The following PLAGL1 variants were observed in gnomAD, a reference collection of about 807,000 sequenced individuals.
PLAGL1 encodes the protein zinc finger protein PLAGL1.
In PLAGL1, 1 loss-of-function variant was observed where a neutral mutation model predicts 4.6. That is an observed-to-expected ratio of 0.22 (90% CI 0.08 to 1.03). The LOEUF (loss-of-function observed/expected upper bound fraction) is 1.03. Among genes scored for constraint, PLAGL1 ranks in the 50% least tolerant of loss-of-function variants. The pLI is 0.58. For synonymous variants in PLAGL1, 240 were observed against 237.8 expected, an observed-to-expected ratio of 1.01 and a Z score of -0.08; for missense variants, 464 against 570.4, an observed-to-expected ratio of 0.81 and a Z score of 1.90.
At position 144,005,760 on chromosome 6, in the gene PLAGL1, T is replaced by C. The variant is rs1349621811; in HGVS notation, c.-584+2330A>G. Reference sequence around the variant, plus strand: ...ATGATGGAAATATTCTGTTCTATAATGTATAATGTAAAATATATAACATAA... The same window carrying C: ...ATGATGGAAATATTCTGTTCTATAACGTATAATGTAAAATATATAACATAA... On this transcript the variant is annotated intron_variant, in intron 1 of 7. Coordinates refer to ENST00000674357, the MANE Select transcript of PLAGL1 (RefSeq NM_001317162.2). The surrounding 1 kb of genome is among the most constrained non-coding windows in gnomAD (Gnocchi z 4.6). 1 of 151,898 alleles carries C rather than the reference T, an allele frequency of 6.6e-6. No individual in the cohort carries two copies. The highest frequency in any genetic ancestry group is 1.5e-5 in the Non-Finnish European group (1 of 67,922). 9.4% of individuals were successfully genotyped at this position (151,898 alleles called of 1,614,324 possible).
intron 1 of PLAGL1, among the ~76,000 whole-genome samples, chr6:143,992,414 C>T (rs1205757263): frequency 6.6e-6 from 1 of 152,166 alleles, no homozygotes; most frequent in Non-Finnish European, 1.5e-5. Context: ...TGAATGAAGC[C>T]ACTGAGGTTT....
At position 144,044,658 on chromosome 6, in the gene PLAGL1, G is replaced by C. The variant is rs1008089414; in HGVS notation, c.-151+19810C>G. On this transcript the variant is annotated intron_variant, in intron 1 of 3. Coordinates refer to the PLAGL1 transcript ENST00000437412. ...AGAAGAATGTATATTCTGTTGATTT[G>C]TGGTGAAGAGTTCTGTAGATGTCTA... Among the ~76,000 whole-genome samples, 40 of 152,206 alleles carry C rather than the reference G, an allele frequency of 2.6e-4. 1 individual carries two copies. Among genetic ancestry groups the C allele is most frequent in the Non-Finnish European group, 4.4e-5 (3 of 68,044 alleles).
At position 143,990,075 on chromosome 6, in the gene PLAGL1, A is replaced by G. The variant is rs1790104852; in HGVS notation, c.-583-4901T>C. On this transcript the variant is annotated intron_variant, in intron 1 of 7. Transcript: ENST00000674357. This position sits in a 1 kb window ranked among gnomAD's most constrained non-coding sequence, Gnocchi z 5.4. ...ATACATTATCTTCTCCCTTTTTACT[A>G]AAGATACTTGTCATCGACACATACT... 6.6e-6 allele frequency among the ~76,000 whole-genome samples: 1 copy of G among 152,122 alleles called. No individual in the cohort carries two copies. Among genetic ancestry groups the G allele is most frequent in the Admixed American group, 6.6e-5 (1 of 15,258 alleles).
At chr6:144,011,109 T>C (rs1471219258), upstream of PLAGL1, among the ~76,000 whole-genome samples, 4 of 152,110 alleles carry the variant, frequency 2.6e-5, no homozygotes, top group Admixed American at 2.6e-4. The surrounding 1 kb of genome is among the most constrained non-coding windows in gnomAD (Gnocchi z 4.3). Flanking sequence ...ACAATTGGGA[T>C]CTAATTAAAC....
rs1052839223 is a variant in PLAGL1 at position 144,005,810 on chromosome 6, CAT to C, written c.-584+2278_-584+2279del. On this transcript the variant is annotated intron_variant, in intron 1 of 7. Coordinates refer to ENST00000674357, the MANE Select transcript of PLAGL1 (RefSeq NM_001317162.2). This position sits in a 1 kb window ranked among gnomAD's most constrained non-coding sequence, Gnocchi z 4.6. ...ATAAAATATAATAAAATATTAAAGTCATATGAGGCTATTGAGCACTAAAAATG... is the reference window on the plus strand; with the variant it reads ...ATAAAATATAATAAAATATTAAAGTCATGAGGCTATTGAGCACTAAAAATG... 4.0e-5 allele frequency: 6 copies of C among 151,656 alleles called. No homozygotes were observed. The highest frequency in any genetic ancestry group is 2.0e-4 in the Admixed American group (3 of 15,248). 9.4% of individuals were successfully genotyped at this position (151,656 alleles called of 1,614,324 possible). A position where few individuals can be genotyped will look rare whatever the true frequency, so the allele number is the denominator to read the frequency against.
Position 144,039,121 on chromosome 6 carries a change from C to T in PLAGL1, c.-151+25347G>A, listed in dbSNP as rs946165045. ...GCCACAAATTTGGGAGATAGGTTTG[C>T]TATTCCAGAATTATAAAAAGTGATT... is the stretch of plus-strand genomic sequence containing the variant. On this transcript the variant is annotated intron_variant, in intron 1 of 3. Coordinates refer to the PLAGL1 transcript ENST00000437412. The surrounding 1 kb of genome is among the most constrained non-coding windows in gnomAD (Gnocchi z 4.1). Among the ~76,000 whole-genome samples the T allele has an allele frequency of 6.6e-6, 1 of 152,020 alleles. No individual in the cohort carries two copies. Among genetic ancestry groups the T allele is most frequent in the Non-Finnish European group, 1.5e-5 (1 of 68,014 alleles).
rs554510553 is a variant in PLAGL1, at chr6:143,963,376, G to C, written c.-399+1411C>G. Among the ~76,000 whole-genome samples the C allele has an allele frequency of 6.6e-6, 1 of 152,138 alleles. No individual in the cohort carries two copies. Among genetic ancestry groups the C allele is most frequent in the Non-Finnish European group, 1.5e-5 (1 of 68,030 alleles). ...AAGGTCACATGGTGGGGCTTCAAAC[G>C]TTAACCCACAGACTTGCTCCTCCTC... On this transcript the variant is annotated intron_variant, in intron 5 of 7. Transcript: ENST00000674357. The surrounding 1 kb of genome is among the most constrained non-coding windows in gnomAD (Gnocchi z 6.1).
rs897079320 is a variant in PLAGL1, at chr6:144,015,103, G to A, written c.-150-46125C>T. Among the ~76,000 whole-genome samples, 1 of 152,184 alleles carries A rather than the reference G, an allele frequency of 6.6e-6. No individual in the cohort carries two copies. Among genetic ancestry groups the A allele is most frequent in the Non-Finnish European group, 1.5e-5 (1 of 68,034 alleles). On this transcript the variant is annotated intron_variant, in intron 1 of 3. Coordinates refer to the PLAGL1 transcript ENST00000437412. The surrounding 1 kb of genome is among the most constrained non-coding windows in gnomAD (Gnocchi z 4.3). ...ATACAGTACCCATAAGCCATGTATG[G>A]CTATGACGTAGCTAGTTCAAACTGA... is the stretch of plus-strand genomic sequence containing the variant.
chr6:144,027,424 G>T lies in PLAGL1; in HGVS notation c.-151+37044C>A, dbSNP rs903096878. On this transcript the variant is annotated intron_variant, in intron 1 of 3. Coordinates refer to the PLAGL1 transcript ENST00000437412. This position sits in a 1 kb window ranked among gnomAD's most constrained non-coding sequence, Gnocchi z 5.8. ...CATGAGAAACAGCTAGGGAAGAAGA[G>T]AAAACAGGACAAACTAGTAGGAAGA... Among the ~76,000 whole-genome samples the T allele has an allele frequency of 6.6e-6, 1 of 152,130 alleles. No individual in the cohort carries two copies. Among genetic ancestry groups the T allele is most frequent in the Non-Finnish European group, 1.5e-5 (1 of 68,006 alleles).
In PLAGL1 at chr6:144,034,905, C is replaced by G. The variant is rs1233551191; in HGVS notation, c.-151+29563G>C. On this transcript the variant is annotated intron_variant, in intron 1 of 3. Coordinates refer to the PLAGL1 transcript ENST00000437412. The surrounding 1 kb of genome is among the most constrained non-coding windows in gnomAD (Gnocchi z 4.7). The stretch of plus-strand genomic sequence containing the variant: ...CCCAGAGCCTGATCTAGGACTACAG[C>G]TGAAGGCTTTCAGGTTTGGACAAAA... Among the ~76,000 whole-genome samples, 2 of 152,098 alleles carry G rather than the reference C, an allele frequency of 1.3e-5. No homozygotes were observed. The highest frequency in any genetic ancestry group is 4.8e-5 in the African/African-American group (2 of 41,410).
At position 144,061,864 on chromosome 6, in the gene PLAGL1, C is replaced by T. The variant is rs1291292199; in HGVS notation, c.-151+2604G>A. 6.6e-6 allele frequency among the ~76,000 whole-genome samples: 1 copy of T among 152,130 alleles called. No homozygotes were observed. The highest frequency in any genetic ancestry group is 1.5e-5 in the Non-Finnish European group (1 of 68,036). On this transcript the variant is annotated intron_variant, in intron 1 of 3. Transcript: ENST00000437412. This position sits in a 1 kb window ranked among gnomAD's most constrained non-coding sequence, Gnocchi z 4.4. ...TGTGCACTTCTCCTCTGTTGTCATT[C>T]CAACCTTCTGTAATTAACATGAGAA...
chr6:144,033,654 A>C (rs746460925), intron 1 of PLAGL1, among the ~76,000 whole-genome samples: 7 of 152,248 alleles, frequency 4.6e-5, no homozygotes, highest in African/African-American at 7.2e-5. Context: ...AGAAGTGTAA[A>C]CAGTGGACTG....
chr6:143,987,627 A>C lies in PLAGL1; in HGVS notation c.-583-2453T>G, dbSNP rs374498959. Among the ~76,000 whole-genome samples the C allele has an allele frequency of 1.3e-4, 19 of 151,996 alleles. No homozygotes were observed. The East Asian group carries it at 3.7e-3, about 29-fold the overall frequency. On this transcript the variant is annotated intron_variant, in intron 1 of 7. Transcript: ENST00000674357. ...TCTCCTTTTCAGACACCACCCTACGATGCCTGTTTGCCCTTCTTCACCAAG... is the reference window on the plus strand; with the variant it reads ...TCTCCTTTTCAGACACCACCCTACGCTGCCTGTTTGCCCTTCTTCACCAAG...
At chr6:144,021,192 G>A (rs143552584) in intron 1 of PLAGL1, among the ~76,000 whole-genome samples, 185 of 152,190 alleles carry the variant, frequency 1.2e-3, no homozygotes, top group Middle Eastern at 6.8e-3. Context: ...TGCGGTTTGA[G>A]CAAGTTCATA....
Position 143,959,866 on chromosome 6 carries a change from C to T in PLAGL1, c.-325+603G>A, listed in dbSNP as rs1264944165. On this transcript the variant is annotated intron_variant, in intron 6 of 7. Coordinates refer to ENST00000674357, the MANE Select transcript of PLAGL1 (RefSeq NM_001317162.2). The surrounding 1 kb of genome is among the most constrained non-coding windows in gnomAD (Gnocchi z 5.3). ...TAATGATGATGAACAGAGGTTGCTC[C>T]CAGGTGTTCTGAACTAAGCCAAGTG... Among the ~76,000 whole-genome samples, 1 of 152,156 alleles carries T rather than the reference C, an allele frequency of 6.6e-6. No individual in the cohort carries two copies. The highest frequency in any genetic ancestry group is 1.5e-5 in the Non-Finnish European group (1 of 68,034).
In PLAGL1 at chr6:143,985,982, T is replaced by TTTTATATATATATATATATATATATA. The variant is rs372792641; in HGVS notation, c.-583-809_-583-808insTATATATATATATATATATATATAAA. Among the ~76,000 whole-genome samples the TTTTATATATATATATATATATATATA allele has an allele frequency of 9.0e-6, 1 of 111,584 alleles. No homozygotes were observed. Among genetic ancestry groups the TTTTATATATATATATATATATATATA allele is most frequent in the East Asian group, 2.7e-4 (1 of 3,704 alleles). 73.2% of individuals were successfully genotyped at this position (111,584 alleles called of 152,430 possible). A position where few individuals can be genotyped will look rare whatever the true frequency, so the allele number is the denominator to read the frequency against. On this transcript the variant is annotated intron_variant, in intron 1 of 7. Coordinates refer to ENST00000674357, the MANE Select transcript of PLAGL1 (RefSeq NM_001317162.2). The surrounding 1 kb of genome is among the most constrained non-coding windows in gnomAD (Gnocchi z 4.4). ...TATATCAAATTATATATATATAAAA[T>TTTTATATATATATATATATATATATA]TATATATATATATATATATATATAT...
Position 143,948,186 on chromosome 6 carries a change from T to A in PLAGL1, c.-50A>T. 1 of 1,571,080 alleles carries A rather than the reference T, an allele frequency of 6.4e-7. No homozygotes were observed. Among genetic ancestry groups the A allele is most frequent in the Non-Finnish European group, 8.7e-7 (1 of 1,144,412 alleles). ...TTTCAGATGTGCTGACCAAATGCTG[T>A]GCCATTTAAGCACAAACAGAACGAT... On this transcript the variant is annotated 5_prime_UTR_variant, in exon 7 of 8. Coordinates refer to ENST00000674357, the MANE Select transcript of PLAGL1 (RefSeq NM_001317162.2). The surrounding 1 kb of genome is among the most constrained non-coding windows in gnomAD (Gnocchi z 6.0).
In PLAGL1 at chr6:143,985,637, C is replaced by G. The variant is rs1371169676; in HGVS notation, c.-583-463G>C. The stretch of plus-strand genomic sequence containing the variant: ...CATAGTTCTATGTCTACTACTACTA[C>G]TACTACTTCCTATATGTCAAATCTT... On this transcript the variant is annotated intron_variant, in intron 1 of 7. Transcript: ENST00000674357. The surrounding 1 kb of genome is among the most constrained non-coding windows in gnomAD (Gnocchi z 4.4). Among the ~76,000 whole-genome samples the G allele has an allele frequency of 6.6e-6, 1 of 151,724 alleles. No individual in the cohort carries two copies. Among genetic ancestry groups the G allele is most frequent in the African/African-American group, 2.4e-5 (1 of 41,304 alleles).
In PLAGL1 at chr6:143,953,999, G is replaced by C. The variant is rs1394249758; in HGVS notation, c.-324-5539C>G. Among the ~76,000 whole-genome samples, 1 of 152,174 alleles carries C rather than the reference G, an allele frequency of 6.6e-6. No individual in the cohort carries two copies. The highest frequency in any genetic ancestry group is 1.5e-5 in the Non-Finnish European group (1 of 68,034). On this transcript the variant is annotated intron_variant, in intron 6 of 7. Coordinates refer to ENST00000674357, the MANE Select transcript of PLAGL1 (RefSeq NM_001317162.2). This position sits in a 1 kb window ranked among gnomAD's most constrained non-coding sequence, Gnocchi z 5.3. ...CTCGCTATGGAGACTGTATGAAAGT[G>C]GGGGAGTAGCCTGACACAGGGTGAA...
Sources: allele counts gnomAD v4.1 joint callset (sites outside exome capture counted in the v4.1 genomes callset), GRCh38; gene constraint gnomAD v4.1.1; non-coding constraint Gnocchi (gnomAD v3.1); transcripts MANE v1.5; gene names NCBI Gene and HGNC (gene_info 2026-07-23, HGNC 2026-07-21).